The following GFM1 variants were observed in gnomAD, a reference collection of about 807,000 sequenced individuals.
GFM1 encodes the protein G elongation factor mitochondrial 1, also known as elongation factor G, mitochondrial.
A neutral mutation model predicts 96.2 loss-of-function variants in GFM1; 62 were observed. The ratio of observed to expected loss-of-function variants is 0.64; its 90% confidence interval spans 0.53 to 0.80. The LOEUF is 0.80. Ranked by LOEUF, GFM1 falls within the 30% of genes least tolerant of loss-of-function variation. The pLI, the probability that GFM1 is intolerant of heterozygous loss-of-function variation, is 0.00. For missense variants in GFM1, 852 were observed against 916.6 expected, an observed-to-expected ratio of 0.93 and a Z score of 0.91; for synonymous variants, 282 against 312.9, an observed-to-expected ratio of 0.90 and a Z score of 1.04.
chr3:158,658,474 TACTC>T (rs1306772368), intron 8 of GFM1, among the ~76,000 whole-genome samples: 1 of 152,178 alleles, frequency 6.6e-6, no homozygotes, highest in Middle Eastern at 3.2e-3. Context: ...ACAGAACTCT[TACTC>T]ACATAATTTT....
rs1012642286 is a variant in GFM1 at position 158,694,065 on chromosome 3, C to T, written c.*2598C>T. Among the ~76,000 whole-genome samples, 1 of 151,738 alleles carries T rather than the reference C, an allele frequency of 6.6e-6. No homozygotes were observed. Among genetic ancestry groups the T allele is most frequent in the Non-Finnish European group, 1.5e-5 (1 of 67,946 alleles). ...CTTCTAAGACAAAAACCATCTGACT[C>T]AGCAATACCATTACTATATACCCAA... is the stretch of plus-strand genomic sequence containing the variant. On this transcript the variant is annotated 3_prime_UTR_variant, in exon 18 of 18. Coordinates refer to ENST00000486715, the MANE Select transcript of GFM1 (RefSeq NM_024996.7).
chr3:158,656,141 GTT>G (rs58800295), intron 8 of GFM1: 5 of 204,140 alleles, frequency 2.4e-5, no homozygotes, highest in Non-Finnish European at 4.0e-5. Context: ...CATTGTTTTT[GTT>G]TTTTTTTGTT....
At chr3:158,673,445 A>T (rs1392048212) in intron 13 of GFM1, among the ~76,000 whole-genome samples, 1 of 150,104 alleles carries the variant, frequency 6.7e-6, no homozygotes. Context: ...TAACTTGGAG[A>T]TTCTACCAAA....
At position 158,665,449 on chromosome 3, in the gene GFM1, A is replaced by G. The variant is rs1184546810; in HGVS notation, c.1493A>G (p.Glu498Gly). The change falls in exon 12 of 18, where the codon GAA becomes GGA. Residue 498 changes from glutamate (E) to glycine (G), a missense_variant. Physicochemically the swap from Glu to Gly is moderately conservative, Grantham distance 98. Transcript: ENST00000486715. The part of the protein sequence containing the change: ...NKETVISGMG[E>G]LHLEIYAQRL... ...GAGACAGTTATATCTGGAATGGGAG[A>G]ATTACACCTGGAAATCTATGCTCAG... 6.2e-7 allele frequency: 1 copy of G among 1,610,780 alleles called. No homozygotes were observed. The highest frequency in any genetic ancestry group is 2.2e-5 in the East Asian group (1 of 44,788).
chr3:158,666,280 T>C (rs757251618), intron 12 of GFM1, 24 bp from the exon 13 acceptor site: 210 of 1,562,774 alleles, frequency 1.3e-4, no homozygotes, highest in Middle Eastern at 1.3e-3. Context: ...TAAATTTAAA[T>C]AATATTTTCC....
intron 16 of GFM1, 172 bp downstream of exon 16, chr3:158,690,495 T>C (rs1726221203): frequency 1.6e-6 from 1 of 629,594 alleles, no homozygotes; most frequent in African/African-American, 1.8e-5. Flanking sequence ...AAGTTAAAAA[T>C]AAGATTTATT....
At chr3:158,649,249 C>G in intron 5 of GFM1, 92 bp downstream of exon 5, 2 of 687,886 alleles carry the variant, frequency 2.9e-6, no homozygotes, top group Non-Finnish European at 5.3e-6. Flanking sequence ...GAGTAACTAT[C>G]TTTTTGAAAT....
chr3:158,674,055 C>T (rs1394487731), intron 13 of GFM1, among the ~76,000 whole-genome samples: 1 of 150,118 alleles, frequency 6.7e-6, no homozygotes. Flanking sequence ...ATTTGCTTTG[C>T]GAGACACTGT....
intron 5 of GFM1, chr3:158,649,798 A>T (rs1722144126): frequency 1.7e-5 from 9 of 539,154 alleles, no homozygotes; most frequent in Non-Finnish European, 2.7e-5. Context: ...TTGTTAAAAG[A>T]CATAGTCCTG....
At position 158,694,865 on chromosome 3, in the gene GFM1, T is replaced by C. The variant is rs1468703740; in HGVS notation, c.*3398T>C. ...ACAAAATCCCTGGTATTATTTTATA[T>C]GTCTTAAGAAAGTTCTAAAGGTATT... On this transcript the variant is annotated 3_prime_UTR_variant, in exon 18 of 18. Coordinates refer to ENST00000486715, the MANE Select transcript of GFM1 (RefSeq NM_024996.7). Among the ~76,000 whole-genome samples, 1 of 152,232 alleles carries C rather than the reference T, an allele frequency of 6.6e-6. No homozygotes were observed. The highest frequency in any genetic ancestry group is 1.5e-5 in the Non-Finnish European group (1 of 68,038).
chr3:158,677,169 C>T (rs1234312762), intron 13 of GFM1, among the ~76,000 whole-genome samples: 1 of 152,100 alleles, frequency 6.6e-6, no homozygotes, highest in Non-Finnish European at 1.5e-5. Context: ...TGAAACCTGC[C>T]CATATAAGAT....
At chr3:158,659,680 G>A (rs1305591432) in intron 9 of GFM1, among the ~76,000 whole-genome samples, 4 of 152,152 alleles carry the variant, frequency 2.6e-5, no homozygotes, top group African/African-American at 7.2e-5. Flanking sequence ...GTTAGGCCTT[G>A]GAAGGAATAC....
chr3:158,647,050 T>C, intron 4 of GFM1, 103 bp downstream of exon 4: 1 of 941,942 alleles, frequency 1.1e-6, no homozygotes. Flanking sequence ...TATTCTTAAA[T>C]TTAGTTTTTT....
intron 8 of GFM1, among the ~76,000 whole-genome samples, chr3:158,658,157 C>CTTTTTTTTTT (rs397842738): frequency 1.6e-4 from 16 of 97,358 alleles, no homozygotes; most frequent in Non-Finnish European, 2.1e-4. Context: ...TCACAGAACT[C>CTTTTTTTTTT]TTTTTTTTTT....
At chr3:158,649,275 C>T in intron 5 of GFM1, 118 bp downstream of exon 5, 3 of 625,230 alleles carry the variant, frequency 4.8e-6, no homozygotes, top group Non-Finnish European at 8.7e-6. Context: ...TGCAAGAATA[C>T]TCTGAGATGG....
Position 158,652,124 on chromosome 3 carries a change from G to C in GFM1, c.718G>C (p.Ala240Pro), listed in dbSNP as rs1722343850. 3 of 1,614,090 alleles carry C rather than the reference G, an allele frequency of 1.9e-6. No individual in the cohort carries two copies. Among genetic ancestry groups the C allele is most frequent in the Non-Finnish European group, 1.7e-6 (2 of 1,179,998 alleles). ...GQIVRYGEIP[A>P]ELRAAATDHR... ...GATTGTTCGATATGGTGAGATTCCA[G>C]CTGAATTAAGGGCGGCGGCCACTGA... The change falls in exon 6 of 18, where the codon GCT (alanine) becomes CCT (proline). Residue 240 changes from alanine (A) to proline (P), a missense_variant. By Grantham distance (27) the Ala-to-Pro change is conservative. Coordinates refer to ENST00000486715, the MANE Select transcript of GFM1 (RefSeq NM_024996.7).
chr3:158,666,421 G>A, intron 13 of GFM1, 35 bp downstream of exon 13: 5 of 1,545,938 alleles, frequency 3.2e-6, no homozygotes, highest in Non-Finnish European at 4.5e-6. Flanking sequence ...TTATGAGGCT[G>A]AAATTGAAGC....
chr3:158,646,076 C>T (rs780234688), intron 2 of GFM1, 89 bp from the exon 3 acceptor site: 3 of 1,519,676 alleles, frequency 2.0e-6, no homozygotes, highest in African/African-American at 1.4e-5. Flanking sequence ...AGCCACTGCA[C>T]CTGGCAACTG....
chr3:158,659,138 C>A, intron 9 of GFM1, 79 bp downstream of exon 9: 1 of 1,486,600 alleles, frequency 6.7e-7, no homozygotes, highest in Non-Finnish European at 9.4e-7. Context: ...CTGAGCCCCA[C>A]TAGAAAATTA....
Sources: allele counts gnomAD v4.1 joint callset (sites outside exome capture counted in the v4.1 genomes callset), GRCh38; gene constraint gnomAD v4.1.1; transcripts MANE v1.5; gene names NCBI Gene and HGNC (gene_info 2026-07-23, HGNC 2026-07-21).